AUTS2: variants seen among roughly 807,000 people sequenced by gnomAD.
AUTS2 encodes activator of transcription and developmental regulator AUTS2, also known as autism susceptibility gene 2 protein.
In AUTS2, 17 loss-of-function variants were observed where a neutral mutation model predicts 112.4. The ratio of observed to expected loss-of-function variants is 0.15; its 90% confidence interval spans 0.10 to 0.23. The LOEUF is 0.23. AUTS2 is among the 10% of genes least tolerant of loss of function. The pLI is 1.00. For synonymous variants in AUTS2, 751 were observed against 702.7 expected (o/e 1.07, Z -1.09); for missense variants, 1,510 against 1,701.6 (o/e 0.89, Z 1.98).
chr7:69,893,285 A>G (rs1794603361), intron 1 of AUTS2, among the ~76,000 whole-genome samples: 1 of 152,194 alleles, frequency 6.6e-6, no homozygotes, highest in Admixed American at 6.5e-5. Context: ...CATAAAGTCC[A>G]TTTGCTCAAA....
chr7:69,765,185 A>G (rs1788366376), intron 1 of AUTS2, among the ~76,000 whole-genome samples: 1 of 152,222 alleles, frequency 6.6e-6, no homozygotes, highest in Non-Finnish European at 1.5e-5. Context: ...AATTGTCAAC[A>G]TAATTATTCC....
At chr7:69,611,421 G>T (rs1793026493) in intron 1 of AUTS2, among the ~76,000 whole-genome samples, 1 of 152,164 alleles carries the variant, frequency 6.6e-6, no homozygotes, top group African/African-American at 2.4e-5. Context: ...AGACACTTGT[G>T]TTGTTTTAAA....
chr7:70,728,991 A>G (rs973992534), intron 6 of AUTS2: 6 of 348,744 alleles, frequency 1.7e-5, no homozygotes, highest in African/African-American at 4.3e-5. Flanking sequence ...AAGGGGCCAC[A>G]TGAAAGGGAA....
intron 1 of AUTS2, among the ~76,000 whole-genome samples, chr7:69,621,222 C>T (rs776988991): frequency 1.3e-5 from 2 of 152,126 alleles, no homozygotes. Flanking sequence ...AGAGTTTACA[C>T]CCAAGGACGA....
intron 5 of AUTS2, among the ~76,000 whole-genome samples, chr7:70,576,113 T>A (rs1802153212): frequency 6.6e-6 from 1 of 152,148 alleles, no homozygotes; most frequent in Non-Finnish European, 1.5e-5. Flanking sequence ...CAAAGCAGAC[T>A]CTAGGCAGAT....
chr7:70,271,576 G>C (rs1355324805), intron 4 of AUTS2, among the ~76,000 whole-genome samples: 5 of 152,296 alleles, frequency 3.3e-5, no homozygotes, highest in African/African-American at 1.2e-4. Flanking sequence ...TGCAGTATTT[G>C]TTATTCCTAA....
chr7:70,437,799 C>T, intron 5 of AUTS2: 1 of 148,250 alleles, frequency 6.7e-6, no homozygotes, highest in Non-Finnish European at 1.5e-5. Context: ...GAGATCGCAC[C>T]ACTGTACTCC....
At chr7:69,870,008 A>G (rs886927546) in intron 1 of AUTS2, among the ~76,000 whole-genome samples, 20 of 152,164 alleles carry the variant, frequency 1.3e-4, no homozygotes, top group African/African-American at 4.1e-4. Context: ...TAATTGTCCC[A>G]GTTTTCATAA....
At chr7:70,737,600 G>A (rs1272137433) in intron 6 of AUTS2, among the ~76,000 whole-genome samples, 1 of 152,204 alleles carries the variant, frequency 6.6e-6, no homozygotes, top group Non-Finnish European at 1.5e-5. Flanking sequence ...TTACCGAAAT[G>A]TGTTGGTTTC....
At position 70,694,819 on chromosome 7, in the gene AUTS2, A is replaced by T. The variant is rs1015670376; in HGVS notation, c.691-3750A>T. On this transcript the variant is annotated intron_variant, in intron 5 of 18. Transcript: ENST00000342771. The surrounding 1 kb of genome is among the most constrained non-coding windows in gnomAD (Gnocchi z 4.1). ...CGGCGCCGGCTCTCGGTCGCCCCGA[A>T]GCTGTTGCCCGGTTCGGATCTGGTT... is the stretch of plus-strand genomic sequence containing the variant. 1 of 151,348 alleles carries T rather than the reference A, an allele frequency of 6.6e-6. No individual in the cohort carries two copies. The highest frequency in any genetic ancestry group is 1.5e-5 in the Non-Finnish European group (1 of 67,768). The allele number at this position is 151,348 out of a possible 1,614,324, so 9.4% of individuals were successfully genotyped here. A position where few individuals can be genotyped will look rare whatever the true frequency, so the allele number is the denominator to read the frequency against.
intron 5 of AUTS2, among the ~76,000 whole-genome samples, chr7:70,534,503 T>G (rs1800230845): frequency 6.6e-6 from 1 of 152,132 alleles, no homozygotes; most frequent in African/African-American, 2.4e-5. Context: ...CTCAGCTCAC[T>G]GCAACCTCCG....
intron 1 of AUTS2, among the ~76,000 whole-genome samples, chr7:69,833,522 T>A (rs1562915537): frequency 6.6e-6 from 1 of 152,052 alleles, no homozygotes; most frequent in Non-Finnish European, 1.5e-5. Context: ...TGCAACCTCG[T>A]CTCCTGGGTT....
chr7:70,241,119 A>G (rs1047499871), intron 4 of AUTS2, among the ~76,000 whole-genome samples: 2 of 152,166 alleles, frequency 1.3e-5, no homozygotes, highest in African/African-American at 4.8e-5. Context: ...TACAAAGCGG[A>G]TTCATGGTCC....
At chr7:69,690,535 T>G (rs1797288905) in intron 1 of AUTS2, among the ~76,000 whole-genome samples, 1 of 152,148 alleles carries the variant, frequency 6.6e-6, no homozygotes, top group African/African-American at 2.4e-5. Context: ...GTCCGGCCAC[T>G]GGCACAGCCA....
chr7:70,004,509 C>T (rs1306422643), intron 2 of AUTS2, among the ~76,000 whole-genome samples: 1 of 147,564 alleles, frequency 6.8e-6, no homozygotes, highest in Non-Finnish European at 1.5e-5. Flanking sequence ...AGCTAATAAA[C>T]TAGAAGGAAC....
intron 2 of AUTS2, among the ~76,000 whole-genome samples, chr7:70,028,978 C>T (rs1268418037): frequency 6.6e-6 from 1 of 152,136 alleles, no homozygotes; most frequent in East Asian, 1.9e-4. Context: ...GAGTAATACT[C>T]CTCAAAGGCT....
chr7:69,727,610 TAAA>T (rs998663193), intron 1 of AUTS2, among the ~76,000 whole-genome samples: 11 of 152,092 alleles, frequency 7.2e-5, no homozygotes, highest in Middle Eastern at 3.4e-3. Context: ...ATAAAAAAAA[TAAA>T]AAATCAGTTG....
At chr7:70,548,022 C>CAG in intron 5 of AUTS2, among the ~76,000 whole-genome samples, 1 of 152,312 alleles carries the variant, frequency 6.6e-6, no homozygotes, top group Non-Finnish European at 1.5e-5. Context: ...TTGTATTTCT[C>CAG]TAAGGATGTT....
chr7:69,957,559 C>T (rs190695830), intron 2 of AUTS2, among the ~76,000 whole-genome samples: 6 of 151,818 alleles, frequency 4.0e-5, no homozygotes, highest in Non-Finnish European at 2.9e-5. Context: ...TATATCTGTG[C>T]CTTATAGTTA....
Sources: gnomAD v4.1 joint callset for allele counts (sites outside exome capture counted in the v4.1 genomes callset) on GRCh38, gnomAD v4.1.1 for gene constraint, Gnocchi (gnomAD v3.1) non-coding constraint, MANE v1.5 for transcripts, NCBI Gene and HGNC (gene_info 2026-07-23, HGNC 2026-07-21) for gene names.